The following KAZN variants were observed in gnomAD, a reference collection of about 807,000 sequenced individuals.
KAZN encodes the protein kazrin, periplakin interacting protein.
A neutral mutation model predicts 87.4 loss-of-function variants in KAZN; 40 were observed. That is an observed-to-expected ratio of 0.46 (90% confidence interval 0.36 to 0.60). The LOEUF (loss-of-function observed/expected upper bound fraction) is 0.60. KAZN is among the 20% of genes least tolerant of loss of function. The pLI, the probability that KAZN is intolerant of heterozygous loss-of-function variation, is 0.00. For missense variants in KAZN, 898 were observed against 1,073.9 expected (o/e 0.84, Z 2.29); for synonymous variants, 466 against 458.3 (o/e 1.02, Z -0.22).
At chr1:14,100,165 G>A (rs766773195) in intron 1 of KAZN, among the ~76,000 whole-genome samples, 34 of 152,212 alleles carry the variant, frequency 2.2e-4, no homozygotes, top group East Asian at 1.7e-3. Context: ...GTTGTTTATC[G>A]GTTCCCTTAG....
intron 1 of KAZN, among the ~76,000 whole-genome samples, chr1:14,663,758 T>C (rs889046329): frequency 2.0e-5 from 3 of 152,246 alleles, no homozygotes; most frequent in Non-Finnish European, 4.4e-5. Flanking sequence ...GACAGGATGA[T>C]GATTCCTCAA....
intron 8 of KAZN, among the ~76,000 whole-genome samples, chr1:15,089,964 C>A (rs1483093367): frequency 6.6e-6 from 1 of 152,174 alleles, no homozygotes; most frequent in East Asian, 1.9e-4. Flanking sequence ...TTATCTCAAA[C>A]ATGCAAGCAT....
chr1:14,664,098 A>G (rs1182849309), intron 1 of KAZN, among the ~76,000 whole-genome samples: 1 of 152,226 alleles, frequency 6.6e-6, no homozygotes, highest in African/African-American at 2.4e-5. Flanking sequence ...GATTCCACCT[A>G]TATGAGGTAG....
At chr1:13,996,254 T>C (rs1190998759) in intron 1 of KAZN, among the ~76,000 whole-genome samples, 1 of 151,148 alleles carries the variant, frequency 6.6e-6, no homozygotes, top group Non-Finnish European at 1.5e-5. Context: ...GGGCCTAGAG[T>C]CCCAACCCCC....
At chr1:14,924,066 G>C (rs1658853902) in intron 1 of KAZN, 6 of 941,416 alleles carry the variant, frequency 6.4e-6, no homozygotes, top group Non-Finnish European at 6.3e-6. Context: ...GGCGGGGCGG[G>C]GGCGGGGCGA....
intron 2 of KAZN, among the ~76,000 whole-genome samples, chr1:14,247,404 C>A (rs1027235309): frequency 2.6e-5 from 4 of 152,128 alleles, no homozygotes; most frequent in Non-Finnish European, 5.9e-5. Context: ...TGTTAGAATG[C>A]GCTATCAAAA....
At chr1:14,785,597 G>T (rs2100665070) in intron 1 of KAZN, among the ~76,000 whole-genome samples, 1 of 152,132 alleles carries the variant, frequency 6.6e-6, no homozygotes, top group East Asian at 1.9e-4. Flanking sequence ...TTCCCCACCT[G>T]CCCTTTGCAG....
At chr1:14,323,522 C>G (rs545776060) in intron 2 of KAZN, among the ~76,000 whole-genome samples, 1 of 152,178 alleles carries the variant, frequency 6.6e-6, no homozygotes, top group Non-Finnish European at 1.5e-5. Context: ...AGATCTGGAT[C>G]CAGAACTAGA....
Position 14,526,814 on chromosome 1 carries a change from C to T in KAZN, c.250-72169C>T, listed in dbSNP as rs1243716066. Among the ~76,000 whole-genome samples, 5 of 152,220 alleles carry T rather than the reference C, an allele frequency of 3.3e-5. No individual in the cohort carries two copies. The East Asian group carries it at 9.7e-4, about 29-fold the overall frequency. On this transcript the variant is annotated intron_variant, in intron 2 of 16. Transcript: ENST00000636203. Reference sequence around the variant, plus strand: ...GTGTTCTCCCCCGCTGCTCAATGTCCCCCTTTTGTATCCATCTTGAAAGAG... The same window carrying T: ...GTGTTCTCCCCCGCTGCTCAATGTCTCCCTTTTGTATCCATCTTGAAAGAG...
At chr1:13,981,093 A>ATATATATATATATATATATATATGTG (rs71272488) in intron 1 of KAZN, among the ~76,000 whole-genome samples, 2 of 78,150 alleles carry the variant, frequency 2.6e-5, no homozygotes, top group African/African-American at 9.2e-5. Flanking sequence ...TACTCTTTAT[A>ATATATATATATATATATATATATGTG]TATATATATA....
chr1:15,078,319 C>T (rs1639848747), intron 8 of KAZN, among the ~76,000 whole-genome samples: 1 of 151,956 alleles, frequency 6.6e-6, no homozygotes, highest in Admixed American at 6.6e-5. Context: ...GAAGGAGAAT[C>T]GCTTGAACCT....
At chr1:14,531,804 G>A (rs898496171) in intron 2 of KAZN, among the ~76,000 whole-genome samples, 1 of 152,144 alleles carries the variant, frequency 6.6e-6, no homozygotes, top group Non-Finnish European at 1.5e-5. Context: ...ATTTCTATGG[G>A]AGTCTTACTA....
chr1:14,257,684 C>T (rs1177468138), intron 2 of KAZN, among the ~76,000 whole-genome samples: 2 of 148,702 alleles, frequency 1.3e-5, no homozygotes, highest in African/African-American at 5.0e-5. Flanking sequence ...CAGCTTTCTA[C>T]ATATGGCTAG....
At chr1:14,413,466 T>A (rs1299089482) in intron 2 of KAZN, among the ~76,000 whole-genome samples, 1 of 151,712 alleles carries the variant, frequency 6.6e-6, no homozygotes, top group East Asian at 1.9e-4. Flanking sequence ...GGCGGGTGCC[T>A]GTAGTCCCAG....
At chr1:15,041,015 A>T (rs139551507) in intron 3 of KAZN, among the ~76,000 whole-genome samples, 6,833 of 151,488 alleles carry the variant, frequency 0.045, 443 homozygotes, top group African/African-American at 0.15. Flanking sequence ...CAGTGGCATG[A>T]TCTCCACTCA....
At chr1:14,762,598 G>A (rs577015661) in intron 1 of KAZN, among the ~76,000 whole-genome samples, 8 of 152,216 alleles carry the variant, frequency 5.3e-5, no homozygotes, top group African/African-American at 1.2e-4. Flanking sequence ...GGTGGCAGGC[G>A]CCTGTAGTCC....
chr1:14,577,407 C>T (rs1030794793), intron 2 of KAZN, among the ~76,000 whole-genome samples: 2 of 152,170 alleles, frequency 1.3e-5, no homozygotes, highest in Admixed American at 1.3e-4. Flanking sequence ...AAGATTGCTT[C>T]CACAGACACC....
intron 8 of KAZN, among the ~76,000 whole-genome samples, chr1:15,078,276 G>A (rs556409850): frequency 1.7e-4 from 26 of 152,088 alleles, no homozygotes; most frequent in Admixed American, 2.6e-4. Flanking sequence ...ATGGTGGTGC[G>A]TGCCTGTAAT....
chr1:14,088,513 C>A (rs935989689), intron 1 of KAZN, among the ~76,000 whole-genome samples: 2 of 151,922 alleles, frequency 1.3e-5, no homozygotes, highest in Non-Finnish European at 2.9e-5. Flanking sequence ...TATATGATTT[C>A]AATTCTTTAA....
Sources: gnomAD v4.1 joint callset for allele counts (sites outside exome capture counted in the v4.1 genomes callset) on GRCh38, gnomAD v4.1.1 for gene constraint, MANE v1.5 for transcripts, NCBI Gene and HGNC (gene_info 2026-07-23, HGNC 2026-07-21) for gene names.